PACSIN1: variants seen among roughly 807,000 people sequenced by gnomAD.
The protein encoded by PACSIN1 is protein kinase C and casein kinase substrate in neurons 1, also known as protein kinase C and casein kinase substrate in neurons protein 1.
A neutral mutation model predicts 59.5 loss-of-function variants in PACSIN1; 15 were observed. The observed-to-expected ratio is 0.25, with a 90% CI of 0.17 to 0.39. The LOEUF is 0.39. Ranked by LOEUF, PACSIN1 falls within the 10% of genes least tolerant of loss-of-function variation. PACSIN1 has a pLI of 1.00. For missense variants in PACSIN1, 420 were observed against 580.2 expected (o/e 0.72, Z 2.84); for synonymous variants, 210 against 220.6 (o/e 0.95, Z 0.42).
rs1767460251 is a variant in PACSIN1 at position 34,525,118 on chromosome 6, A to G, written c.-63-1125A>G. 1.3e-5 allele frequency among the ~76,000 whole-genome samples: 2 copies of G among 152,084 alleles called. No individual in the cohort carries two copies. The highest frequency in any genetic ancestry group is 4.8e-5 in the African/African-American group (2 of 41,390). On this transcript the variant is annotated intron_variant, in intron 1 of 9. Coordinates refer to ENST00000244458, the MANE Select transcript of PACSIN1 (RefSeq NM_020804.5). The surrounding 1 kb of genome is among the most constrained non-coding windows in gnomAD (Gnocchi z 4.9). ...CCAAGTTAAGAAAAGAAAAATTCAG[A>G]CTCATTTCTTTGTCCCTTGATGAAA...
At chr6:34,528,600 C>A (rs768719908) in intron 3 of PACSIN1, 42 bp from the exon 4 acceptor site, 3 of 1,453,558 alleles carry the variant, frequency 2.1e-6, no homozygotes, top group Non-Finnish European at 2.9e-6. Flanking sequence ...GGCCTCTGGG[C>A]AGGGGCAATG....
intron 1 of PACSIN1, among the ~76,000 whole-genome samples, chr6:34,524,892 G>A (rs1171626419): frequency 2.0e-5 from 3 of 152,168 alleles, no homozygotes; most frequent in South Asian, 2.1e-4. Flanking sequence ...ACTCCTGCCC[G>A]CCCCCCAGCA....
At position 34,532,359 on chromosome 6, in the gene PACSIN1, G is replaced by A. The variant is rs1466814710; in HGVS notation, c.1226-62G>A. On this transcript the variant is annotated intron_variant, in intron 9 of 9. Coordinates refer to ENST00000244458, the MANE Select transcript of PACSIN1 (RefSeq NM_020804.5). The surrounding 1 kb of genome is among the most constrained non-coding windows in gnomAD (Gnocchi z 5.2). ...TGGGTATTGGAGGGTTCCCCTAGCA[G>A]CCGGTGCGTTGAGGGAGGGGCAGCC... The A allele has an allele frequency of 8.0e-6, 9 of 1,123,906 alleles. No homozygotes were observed. The Admixed American group carries it at 1.8e-4, about 23-fold the overall frequency. 69.6% of individuals were successfully genotyped at this position (1,123,906 alleles called of 1,614,324 possible). A position where few individuals can be genotyped will look rare whatever the true frequency, so the allele number is the denominator to read the frequency against.
chr6:34,477,205 T>G (rs965893498), intron 1 of PACSIN1, among the ~76,000 whole-genome samples: 47 of 152,220 alleles, frequency 3.1e-4, no homozygotes, highest in African/African-American at 1.1e-3. Flanking sequence ...AATAAGCATG[T>G]CCAGGCCGGG....
intron 1 of PACSIN1, among the ~76,000 whole-genome samples, chr6:34,506,887 C>T (rs561369242): frequency 1.3e-5 from 2 of 152,280 alleles, no homozygotes; most frequent in South Asian, 2.1e-4. Flanking sequence ...AGTCCTGGCT[C>T]TCCCTCATTC....
intron 1 of PACSIN1, among the ~76,000 whole-genome samples, chr6:34,489,777 A>G (rs1219633410): frequency 6.6e-6 from 1 of 152,238 alleles, no homozygotes; most frequent in East Asian, 1.9e-4. Context: ...CCCCAGACCA[A>G]TGTCCATGTG....
At chr6:34,513,461 T>C (rs1767237110) in intron 1 of PACSIN1, among the ~76,000 whole-genome samples, 1 of 152,066 alleles carries the variant, frequency 6.6e-6, no homozygotes, top group Admixed American at 6.5e-5. Flanking sequence ...GGGCTGGGAA[T>C]AGCATGTCCT....
intron 1 of PACSIN1, among the ~76,000 whole-genome samples, chr6:34,511,856 A>G (rs1366386548): frequency 6.6e-6 from 1 of 152,104 alleles, no homozygotes; most frequent in Non-Finnish European, 1.5e-5. Context: ...GGGGGCAATG[A>G]ATGCTGTTGG....
intron 1 of PACSIN1, among the ~76,000 whole-genome samples, chr6:34,513,690 G>A (rs766497240): frequency 2.2e-4 from 33 of 152,006 alleles, no homozygotes; most frequent in African/African-American, 6.5e-4. Flanking sequence ...AGGCTGAGGG[G>A]GCTCTAGGGG....
intron 1 of PACSIN1, among the ~76,000 whole-genome samples, chr6:34,502,100 T>C (rs546629729): frequency 5.1e-4 from 77 of 151,254 alleles, no homozygotes; most frequent in African/African-American, 1.8e-3. Context: ...GAGAAGTACA[T>C]TGGTGTTTCT....
At chr6:34,523,897 G>C (rs1767439650) in intron 1 of PACSIN1, among the ~76,000 whole-genome samples, 1 of 152,210 alleles carries the variant, frequency 6.6e-6, no homozygotes, top group African/African-American at 2.4e-5. Flanking sequence ...TCAGAACCGA[G>C]GTTGGAGTTG....
chr6:34,519,092 A>G (rs1411922676), intron 1 of PACSIN1, among the ~76,000 whole-genome samples: 2 of 152,056 alleles, frequency 1.3e-5, no homozygotes, highest in Non-Finnish European at 2.9e-5. Flanking sequence ...GAAAGGTCAG[A>G]CCAGGAGTGG....
intron 1 of PACSIN1, among the ~76,000 whole-genome samples, chr6:34,505,727 T>C (rs1767102904): frequency 6.7e-6 from 1 of 149,402 alleles, no homozygotes; most frequent in Admixed American, 6.8e-5. Flanking sequence ...TCTGCCTGCC[T>C]GGTTCAAGCG....
chr6:34,512,046 T>C (rs1294039193), intron 1 of PACSIN1, among the ~76,000 whole-genome samples: 1 of 152,044 alleles, frequency 6.6e-6, no homozygotes, highest in East Asian at 1.9e-4. Context: ...TGTGTGTGTG[T>C]ATGCGTATGT....
intron 1 of PACSIN1, among the ~76,000 whole-genome samples, chr6:34,503,960 C>G (rs1767065430): frequency 6.6e-6 from 1 of 152,134 alleles, no homozygotes; most frequent in East Asian, 1.9e-4. Flanking sequence ...ATTTGCCTGT[C>G]CTGGATTTAT....
In PACSIN1 at chr6:34,529,408, C is replaced by A; in HGVS notation, c.468C>A (p.Ala156=). The A allele has an allele frequency of 1.2e-6, 2 of 1,614,112 alleles. No homozygotes were observed. Among genetic ancestry groups the A allele is most frequent in the Non-Finnish European group, 1.7e-6 (2 of 1,180,006 alleles). The change falls in exon 5 of 10, where the codon GCC becomes GCA. Residue 156 remains alanine, a synonymous_variant. Transcript: ENST00000244458. This position sits in a 1 kb window ranked among gnomAD's most constrained non-coding sequence, Gnocchi z 6.3. ...WAKKMKELEA[A]KKAYHLACKE... ...CCCCCTCCCCACAGCTGGAGGCAGCCAAGAAGGCCTACCATTTGGCTTGCA... is the reference window on the plus strand; with the variant it reads ...CCCCCTCCCCACAGCTGGAGGCAGCAAAGAAGGCCTACCATTTGGCTTGCA...
At chr6:34,489,096 G>A (rs1028714332) in intron 1 of PACSIN1, among the ~76,000 whole-genome samples, 3 of 151,578 alleles carry the variant, frequency 2.0e-5, no homozygotes, top group Non-Finnish European at 4.4e-5. Flanking sequence ...CAGGAGGATC[G>A]CTTGAGCCAG....
Position 34,521,855 on chromosome 6 carries a change from G to A in PACSIN1, c.-63-4388G>A, listed in dbSNP as rs1405505462. Reference sequence around the variant, plus strand: ...TTACAGATGCGGACGCCGAGGCCTGGGAAGAGGGAGAGAGCCACACACGGT... The same window carrying A: ...TTACAGATGCGGACGCCGAGGCCTGAGAAGAGGGAGAGAGCCACACACGGT... On this transcript the variant is annotated intron_variant, in intron 1 of 9. Transcript: ENST00000244458. The surrounding 1 kb of genome is among the most constrained non-coding windows in gnomAD (Gnocchi z 4.3). Among the ~76,000 whole-genome samples the A allele has an allele frequency of 6.6e-6, 1 of 152,178 alleles. No homozygotes were observed. The highest frequency in any genetic ancestry group is 1.5e-5 in the Non-Finnish European group (1 of 68,036).
At chr6:34,503,794 C>T (rs1196421499) in intron 1 of PACSIN1, among the ~76,000 whole-genome samples, 2 of 152,146 alleles carry the variant, frequency 1.3e-5, no homozygotes, top group African/African-American at 4.8e-5. Context: ...TGAAGTATAA[C>T]ACATGTTAGC....
Sources: gnomAD v4.1 joint callset for allele counts (sites outside exome capture counted in the v4.1 genomes callset) on GRCh38, gnomAD v4.1.1 for gene constraint, Gnocchi (gnomAD v3.1) non-coding constraint, MANE v1.5 for transcripts, NCBI Gene and HGNC (gene_info 2026-07-23, HGNC 2026-07-21) for gene names.